Variants in ACACA observed in about 807,000 individuals in gnomAD.
ACACA encodes the protein acetyl-CoA carboxylase alpha, also known as acetyl-CoA carboxylase 1.
In ACACA, 103 loss-of-function variants were observed where a neutral mutation model predicts 296.1. That is an observed-to-expected ratio of 0.35 (90% CI 0.30 to 0.41). ACACA has a LOEUF of 0.41. Among genes scored for constraint, ACACA ranks in the 10% least tolerant of loss-of-function variants. The pLI is 1.00. For synonymous variants in ACACA, 953 were observed against 1,038.6 expected (o/e 0.92, Z 1.58); for missense variants, 1,554 against 2,989.7 (o/e 0.52, Z 11.20).
chr17:37,305,225 G>C (rs1219545565), intron 3 of ACACA, among the ~76,000 whole-genome samples: 1 of 152,256 alleles, frequency 6.6e-6, no homozygotes, highest in East Asian at 1.9e-4. Flanking sequence ...GAACAATTTG[G>C]ATTCTGATTT....
At chr17:37,257,114 T>C (rs1478537351) in intron 14 of ACACA, among the ~76,000 whole-genome samples, 6 of 152,206 alleles carry the variant, frequency 3.9e-5, no homozygotes, top group South Asian at 2.1e-4. Context: ...ATTTATGATA[T>C]AGCAGTTATA....
chr17:37,379,579 T>A (rs1237837038), intron 1 of ACACA, among the ~76,000 whole-genome samples: 1 of 152,128 alleles, frequency 6.6e-6, no homozygotes, highest in East Asian at 1.9e-4. Context: ...GATGAGTAGG[T>A]TGCGAAAATT....
chr17:37,397,981 A>C (rs2051135769), intron 1 of ACACA, among the ~76,000 whole-genome samples: 1 of 152,166 alleles, frequency 6.6e-6, no homozygotes, highest in African/African-American at 2.4e-5. Context: ...CTGTAATCCC[A>C]GCACTTTGGG....
intron 35 of ACACA, among the ~76,000 whole-genome samples, chr17:37,197,446 T>G (rs1379177697): frequency 6.6e-6 from 1 of 152,158 alleles, no homozygotes; most frequent in African/African-American, 2.4e-5. Flanking sequence ...TCCACAGCAT[T>G]GGACAGGGGA....
At chr17:37,139,305 C>T (rs1180256239) in intron 45 of ACACA, among the ~76,000 whole-genome samples, 1 of 152,138 alleles carries the variant, frequency 6.6e-6, no homozygotes, top group Non-Finnish European at 1.5e-5. Flanking sequence ...AGAGACCCTA[C>T]ATGCCACCCA....
intron 1 of ACACA, chr17:37,375,990 T>G: frequency 1.1e-6 from 1 of 925,622 alleles, no homozygotes; most frequent in Admixed American, 1.9e-5. Context: ...AGGGTCAAAC[T>G]TGGTTCCAGC....
intron 45 of ACACA, among the ~76,000 whole-genome samples, chr17:37,142,749 C>A (rs1478683057): frequency 6.6e-6 from 1 of 152,232 alleles, no homozygotes; most frequent in Non-Finnish European, 1.5e-5. Context: ...CCTGTCACGA[C>A]TGAACATCGT....
rs1286474484 is a variant in ACACA at position 37,243,352 on chromosome 17, A to G, written c.2931+19T>C. On this transcript the variant is annotated intron_variant, in intron 22 of 55. Transcript: ENST00000616317. The stretch of plus-strand genomic sequence containing the variant: ...GGCATTGGTAGCCAGAAAAAAATAT[A>G]GTGTTATCCTATAAATACCTGCTGG... The G allele has an allele frequency of 1.2e-6, 2 of 1,610,482 alleles. No homozygotes were observed. Among genetic ancestry groups the G allele is most frequent in the East Asian group, 4.5e-5 (2 of 44,856 alleles).
chr17:37,274,547 CAA>C (rs2082196586), intron 8 of ACACA: 13 of 904,400 alleles, frequency 1.4e-5, no homozygotes, highest in Non-Finnish European at 1.7e-5. Flanking sequence ...TATAAAAATG[CAA>C]AGACGTACAA....
chr17:37,168,341 AT>A (rs907931598), intron 41 of ACACA, among the ~76,000 whole-genome samples: 2 of 151,970 alleles, frequency 1.3e-5, no homozygotes, highest in African/African-American at 4.8e-5. Flanking sequence ...ATGAAATTGT[AT>A]TTTTTTTCCA....
At chr17:37,357,509 C>A (rs2049198574) in intron 1 of ACACA, among the ~76,000 whole-genome samples, 1 of 152,030 alleles carries the variant, frequency 6.6e-6, no homozygotes, top group East Asian at 1.9e-4. Flanking sequence ...ACAAACAAAA[C>A]AACAACAACA....
intron 9 of ACACA, among the ~76,000 whole-genome samples, chr17:37,271,895 C>T (rs1598372043): frequency 6.6e-6 from 1 of 152,282 alleles, no homozygotes; most frequent in African/African-American, 2.4e-5. Context: ...TTGCTTGAAC[C>T]TGAGAGGCAA....
intron 50 of ACACA, among the ~76,000 whole-genome samples, chr17:37,117,742 T>C (rs2074325091): frequency 6.6e-6 from 1 of 152,176 alleles, no homozygotes; most frequent in Non-Finnish European, 1.5e-5. Flanking sequence ...TATTTATTTA[T>C]TTATATCTTT....
intron 55 of ACACA, among the ~76,000 whole-genome samples, chr17:37,087,903 A>G (rs2072327239): frequency 2.0e-5 from 3 of 152,254 alleles, no homozygotes; most frequent in Admixed American, 2.0e-4. Context: ...AGACTGCACC[A>G]GAGGGAAATT....
intron 48 of ACACA, chr17:37,122,870 T>C (rs2074595893): frequency 1.7e-6 from 1 of 589,450 alleles, no homozygotes; most frequent in South Asian, 1.9e-5. Flanking sequence ...ACAAGATAAA[T>C]TCAAACCAAG....
intron 1 of ACACA, among the ~76,000 whole-genome samples, chr17:37,340,994 A>G (rs567834405): frequency 1.3e-5 from 2 of 152,278 alleles, no homozygotes; most frequent in South Asian, 4.1e-4. Flanking sequence ...CAGGAGCTGG[A>G]GGCTGCAATG....
In ACACA at chr17:37,149,966, G is replaced by A. The variant is rs1373321062; in HGVS notation, c.5577C>T (p.Cys1859=). The part of the protein sequence containing the change: ...NEIITISLVT[C]RAIGIGAYLV... ...GGTAAGCCCCAATCCCAATGGCCCG[G>A]CACGTCACCTTAGAAAAGAATAAAT... Residue 1859 remains cysteine (C), a synonymous_variant, in exon 45 of 56, where the codon TGC becomes TGT. Transcript: ENST00000616317. 6.2e-6 allele frequency: 10 copies of A among 1,614,044 alleles called. No individual in the cohort carries two copies. The highest frequency in any genetic ancestry group is 8.5e-6 in the Non-Finnish European group (10 of 1,179,942).
chr17:37,368,263 C>A (rs2049680400), intron 1 of ACACA, among the ~76,000 whole-genome samples: 1 of 150,124 alleles, frequency 6.7e-6, no homozygotes, highest in South Asian at 2.1e-4. Flanking sequence ...CAGAGCGAGA[C>A]TCCGTCTCAA....
rs1448557425 is a variant in ACACA at position 37,131,543 on chromosome 17, G to A, written c.5680-1325C>T. Reference sequence around the variant, plus strand: ...CGACAATACAAAATTTCTTCCGTACGTGTATTCATTTTCAGTCTCTGGGGA... The same window carrying A: ...CGACAATACAAAATTTCTTCCGTACATGTATTCATTTTCAGTCTCTGGGGA... On this transcript the variant is annotated intron_variant, in intron 45 of 55. Transcript: ENST00000616317. Among the ~76,000 whole-genome samples the A allele has an allele frequency of 2.0e-5, 3 of 152,032 alleles. No individual in the cohort carries two copies. In the East Asian group the frequency reaches 5.8e-4, roughly 29 times the overall value.
Sources: allele counts gnomAD v4.1 joint callset (sites outside exome capture counted in the v4.1 genomes callset), GRCh38; gene constraint gnomAD v4.1.1; transcripts MANE v1.5; gene names NCBI Gene and HGNC (gene_info 2026-07-23, HGNC 2026-07-21).